The following IDNK variants were observed in gnomAD, a reference collection of about 807,000 sequenced individuals.
IDNK encodes the protein IDNK gluconokinase.
In IDNK, 9 loss-of-function variants were observed where a neutral mutation model predicts 13.0. The ratio of observed to expected loss-of-function variants is 0.69; its 90% confidence interval spans 0.42 to 1.21. The LOEUF (loss-of-function observed/expected upper bound fraction) is 1.21, where lower values mean the gene tolerates loss of function less well. Ranked by LOEUF, IDNK falls within the 50% of genes most tolerant of loss-of-function variation. IDNK has a pLI of 0.00. For missense variants in IDNK, 210 were observed against 237.8 expected (o/e 0.88, Z 0.77); for synonymous variants, 92 against 94.9 (o/e 0.97, Z 0.18).
intron 3 of IDNK, among the ~76,000 whole-genome samples, chr9:83,633,378 CTG>C (rs1259489638): frequency 2.0e-5 from 3 of 152,160 alleles, no homozygotes; most frequent in Non-Finnish European, 4.4e-5. Flanking sequence ...TGTCCTCCTG[CTG>C]TGTTATCATA....
At chr9:83,638,540 C>A (rs1831221404) in intron 3 of IDNK, among the ~76,000 whole-genome samples, 1 of 152,128 alleles carries the variant, frequency 6.6e-6, no homozygotes, top group African/African-American at 2.4e-5. Flanking sequence ...AACAACTTTT[C>A]CAGGGTATGA....
rs531306558 is a variant in IDNK, at chr9:83,627,267, G to A, written c.51-914G>A. ...GGGCAACACTTTAAACATTGAAAGCGAGAAAGCACTTTATGGGTCATTGTC... is the reference window on the plus strand; with the variant it reads ...GGGCAACACTTTAAACATTGAAAGCAAGAAAGCACTTTATGGGTCATTGTC... On this transcript the variant is annotated intron_variant, in intron 1 of 4. Transcript: ENST00000376419. Among the ~76,000 whole-genome samples the A allele has an allele frequency of 7.2e-5, 11 of 152,306 alleles. No homozygotes were observed. In the South Asian group the frequency reaches 1.5e-3, roughly 20 times the overall value.
At chr9:83,626,879 T>C in intron 1 of IDNK, 10 of 1,086,356 alleles carry the variant, frequency 9.2e-6, no homozygotes, top group South Asian at 2.2e-5. Flanking sequence ...AACCTTTGGT[T>C]ACATCCAGGA....
At chr9:83,628,066 A>C in intron 1 of IDNK, 115 bp from the exon 2 acceptor site, 1 of 1,522,994 alleles carries the variant, frequency 6.6e-7, no homozygotes. Flanking sequence ...TTACACAGTG[A>C]TTGGTGTTTA....
intron 1 of IDNK, 181 bp downstream of exon 1, chr9:83,623,402 CG>C (rs1348555256): frequency 3.2e-6 from 2 of 629,836 alleles, no homozygotes; most frequent in South Asian, 3.7e-5. Flanking sequence ...AGCCTGCTCG[CG>C]GGGCGCCCAT....
At chr9:83,624,536 AG>A (rs1360198084) in intron 1 of IDNK, among the ~76,000 whole-genome samples, 1 of 152,072 alleles carries the variant, frequency 6.6e-6, no homozygotes, top group Non-Finnish European at 1.5e-5. Flanking sequence ...CTCTGGAGTA[AG>A]GGGAACAAAG....
In IDNK at chr9:83,637,795, A is replaced by G. The variant is rs530732824; in HGVS notation, c.169-3753A>G. Among the ~76,000 whole-genome samples the G allele has an allele frequency of 9.2e-5, 14 of 152,328 alleles. No homozygotes were observed. The South Asian group carries it at 2.3e-3, about 25-fold the overall frequency. On this transcript the variant is annotated intron_variant, in intron 3 of 4. Coordinates refer to ENST00000376419, the MANE Select transcript of IDNK (RefSeq NM_001001551.4). Reference sequence around the variant, plus strand: ...GGAGCTGGACCTGAGTATCTTACATAAAGTCTTGTTGTTGTTGTTAGCATT... The same window carrying G: ...GGAGCTGGACCTGAGTATCTTACATGAAGTCTTGTTGTTGTTGTTAGCATT...
intron 3 of IDNK, among the ~76,000 whole-genome samples, chr9:83,640,659 T>C (rs1023525217): frequency 1.3e-5 from 2 of 152,224 alleles, no homozygotes; most frequent in Non-Finnish European, 2.9e-5. Context: ...CTGACCAACA[T>C]GGAGAAACCC....
intron 3 of IDNK, among the ~76,000 whole-genome samples, chr9:83,632,137 G>A (rs1327896979): frequency 1.3e-5 from 2 of 151,786 alleles, no homozygotes; most frequent in Non-Finnish European, 2.9e-5. Flanking sequence ...TCATGGAGGG[G>A]GTCAGTATAT....
intron 3 of IDNK, among the ~76,000 whole-genome samples, chr9:83,638,633 T>C (rs2811914): frequency 0.13 from 19,712 of 152,186 alleles, 1,609 homozygotes; most frequent in Middle Eastern, 0.26. Flanking sequence ...AGAGGCTTTT[T>C]CCTACATAAA....
chr9:83,623,129 C>T, upstream of IDNK: 1 of 1,396,508 alleles, frequency 7.2e-7, no homozygotes, highest in Non-Finnish European at 9.2e-7. Flanking sequence ...AGGCCGGGGC[C>T]GGCGGGGCCC....
chr9:83,641,198 C>G (rs955737773), intron 3 of IDNK, among the ~76,000 whole-genome samples: 10 of 152,192 alleles, frequency 6.6e-5, no homozygotes, highest in African/African-American at 2.4e-4. Context: ...GAATATCTCT[C>G]TACATTTGAG....
chr9:83,642,891 T>C (rs762380869), intron 4 of IDNK, among the ~76,000 whole-genome samples: 6 of 152,302 alleles, frequency 3.9e-5, no homozygotes, highest in Non-Finnish European at 7.4e-5. Flanking sequence ...TGATGCTCCC[T>C]TCTCTCCCGC....
At chr9:83,627,381 G>A (rs1217983537) in intron 1 of IDNK, among the ~76,000 whole-genome samples, 2 of 152,166 alleles carry the variant, frequency 1.3e-5, no homozygotes, top group Non-Finnish European at 2.9e-5. Flanking sequence ...TACATCCTGG[G>A]AACTGGTAGG....
chr9:83,627,505 CTCAG>C (rs1830886570), intron 1 of IDNK, among the ~76,000 whole-genome samples: 1 of 152,112 alleles, frequency 6.6e-6, no homozygotes, highest in Non-Finnish European at 1.5e-5. Context: ...GCTGGGAGCA[CTCAG>C]TCATTTAGTG....
intron 4 of IDNK, among the ~76,000 whole-genome samples, chr9:83,642,167 C>A (rs913316959): frequency 2.6e-5 from 4 of 152,104 alleles, no homozygotes; most frequent in Non-Finnish European, 5.9e-5. Flanking sequence ...CCCCCCCCAA[C>A]AGCACCCATG....
intron 1 of IDNK, chr9:83,626,849 A>G: frequency 9.2e-7 from 1 of 1,092,702 alleles, no homozygotes; most frequent in Non-Finnish European, 1.1e-6. Context: ...AACTAATGGG[A>G]AAGGTTTCAC....
chr9:83,626,220 C>T (rs1390346779), intron 1 of IDNK, among the ~76,000 whole-genome samples: 1 of 152,064 alleles, frequency 6.6e-6, no homozygotes, highest in Non-Finnish European at 1.5e-5. Context: ...ATTTTTGGGC[C>T]CAGCACTGTG....
intron 3 of IDNK, among the ~76,000 whole-genome samples, chr9:83,638,478 C>A (rs1020979075): frequency 6.6e-6 from 1 of 152,030 alleles, no homozygotes; most frequent in Non-Finnish European, 1.5e-5. Context: ...TGGATAGCTA[C>A]AAGGAACCCA....
Sources: allele counts gnomAD v4.1 joint callset (sites outside exome capture counted in the v4.1 genomes callset), GRCh38; gene constraint gnomAD v4.1.1; transcripts MANE v1.5; gene names NCBI Gene and HGNC (gene_info 2026-07-23, HGNC 2026-07-21).